The following KIAA1958 variants were observed in gnomAD, a reference collection of about 807,000 sequenced individuals.
The protein encoded by KIAA1958 is uncharacterized protein KIAA1958.
KIAA1958 carries 14 observed loss-of-function variants against 47.2 expected under a neutral mutation model. The observed-to-expected ratio is 0.30, with a 90% CI of 0.20 to 0.46. The LOEUF is 0.46. Among genes scored for constraint, KIAA1958 ranks in the 20% least tolerant of loss-of-function variants. The pLI, the probability that KIAA1958 is intolerant of heterozygous loss-of-function variation, is 1.00. For synonymous variants in KIAA1958, 354 were observed against 353.3 expected (o/e 1.00, Z -0.02); for missense variants, 803 against 909.2 (o/e 0.88, Z 1.50).
intron 1 of KIAA1958, among the ~76,000 whole-genome samples, chr9:112,546,289 A>G (rs1030661413): frequency 6.6e-6 from 1 of 152,218 alleles, no homozygotes; most frequent in Non-Finnish European, 1.5e-5. Context: ...CATCATGGCA[A>G]TGTAGGGAAG....
rs1030576993 is a variant in KIAA1958 at position 112,662,592 on chromosome 9, C to G, written c.*2523C>G. On this transcript the variant is annotated 3_prime_UTR_variant, in exon 4 of 4. Transcript: ENST00000337530. ...GGCAGATCACTTGAGGTCAGGAGTT[C>G]AAGATCAGGACCAACATGGTGAAAC... 6.6e-6 allele frequency: 1 copy of G among 152,250 alleles called. No homozygotes were observed. The highest frequency in any genetic ancestry group is 1.5e-5 in the Non-Finnish European group (1 of 68,090). The allele number at this position is 152,250 out of a possible 1,614,324, so 9.4% of individuals were successfully genotyped here.
Position 112,654,943 on chromosome 9 carries a change from T to C in KIAA1958, c.1345-4320T>C, listed in dbSNP as rs115656144. Among the ~76,000 whole-genome samples, 772 of 152,330 alleles carry C rather than the reference T, an allele frequency of 5.1e-3. 10 individuals carry two copies. The highest frequency in any genetic ancestry group is 0.018 in the African/African-American group (751 of 41,568). On this transcript the variant is annotated intron_variant, in intron 3 of 3. Transcript: ENST00000337530. ...ACATGCATATGGATGTGTGTGTATA[T>C]ATAAATTCTTTTTCTTGTCTTATCT... is the stretch of plus-strand genomic sequence containing the variant.
chr9:112,597,897 T>A (rs1564185958), intron 2 of KIAA1958, among the ~76,000 whole-genome samples: 1 of 152,216 alleles, frequency 6.6e-6, no homozygotes. Context: ...TAACAAATAT[T>A]AACTAATGAG....
intron 1 of KIAA1958, among the ~76,000 whole-genome samples, chr9:112,553,073 C>G (rs1835183184): frequency 6.6e-6 from 1 of 151,600 alleles, no homozygotes; most frequent in Non-Finnish European, 1.5e-5. Flanking sequence ...GCCCTCCCCT[C>G]CACACCCTTT....
At chr9:112,647,130 C>T (rs1836988688) in intron 3 of KIAA1958, among the ~76,000 whole-genome samples, 1 of 151,696 alleles carries the variant, frequency 6.6e-6, no homozygotes, top group Non-Finnish European at 1.5e-5. Flanking sequence ...TGTGAGGGGC[C>T]TTTCTACTGT....
At position 112,664,448 on chromosome 9, in the gene KIAA1958, A is replaced by G. The variant is rs1469405868; in HGVS notation, c.*4379A>G. ...TAGTAGACGTTACCTTTAAGCATCAATGAATGCAAACAGTGAAGACCTCAA... is the reference window on the plus strand; with the variant it reads ...TAGTAGACGTTACCTTTAAGCATCAGTGAATGCAAACAGTGAAGACCTCAA... On this transcript the variant is annotated 3_prime_UTR_variant, in exon 4 of 4. Coordinates refer to ENST00000337530, the MANE Select transcript of KIAA1958 (RefSeq NM_133465.4). The G allele has an allele frequency of 1.3e-5, 2 of 152,234 alleles. No homozygotes were observed. Among genetic ancestry groups the G allele is most frequent in the Non-Finnish European group, 2.9e-5 (2 of 68,034 alleles). 9.4% of individuals were successfully genotyped at this position (152,234 alleles called of 1,614,324 possible).
intron 2 of KIAA1958, among the ~76,000 whole-genome samples, chr9:112,635,083 T>G (rs1483102206): frequency 1.3e-5 from 2 of 152,212 alleles, no homozygotes; most frequent in African/African-American, 4.8e-5. Context: ...TATTTTTATA[T>G]AAAAGTTATG....
At chr9:112,581,333 TTCATCA>T (rs1042926735) in intron 2 of KIAA1958, among the ~76,000 whole-genome samples, 2 of 152,178 alleles carry the variant, frequency 1.3e-5, no homozygotes, top group Non-Finnish European at 2.9e-5. Context: ...TATTTTTATT[TTCATCA>T]TCATCATCAT....
At chr9:112,654,360 A>G (rs935820664) in intron 3 of KIAA1958, among the ~76,000 whole-genome samples, 3 of 152,134 alleles carry the variant, frequency 2.0e-5, no homozygotes, top group Non-Finnish European at 4.4e-5. Flanking sequence ...ACCTTTTGGC[A>G]AGTTGTTTGA....
rs1161145103 is a variant in KIAA1958, at chr9:112,646,971, T to C, written c.1344+1149T>C. ...GAACTGTTAAAGCTGGAAGTATACA[T>C]TGAAAAGTCTTGCAAATAGAGGTCA... On this transcript the variant is annotated intron_variant, in intron 3 of 3. Transcript: ENST00000337530. Among the ~76,000 whole-genome samples the C allele has an allele frequency of 3.3e-5, 5 of 152,188 alleles. No individual in the cohort carries two copies. In the East Asian group the frequency reaches 9.6e-4, roughly 29 times the overall value.
intron 1 of KIAA1958, among the ~76,000 whole-genome samples, chr9:112,571,061 C>T (rs1835525195): frequency 1.3e-5 from 2 of 152,108 alleles, no homozygotes; most frequent in Non-Finnish European, 1.5e-5. Context: ...TGTCTGGGGC[C>T]CCAGCTGATT....
chr9:112,567,851 G>A (rs1397424851), intron 1 of KIAA1958, among the ~76,000 whole-genome samples: 2 of 151,266 alleles, frequency 1.3e-5, no homozygotes, highest in Non-Finnish European at 2.9e-5. Flanking sequence ...CCAGCTACTT[G>A]GGAGGCTGAG....
At chr9:112,629,073 CCTT>C (rs1426243550) in intron 2 of KIAA1958, among the ~76,000 whole-genome samples, 3 of 152,162 alleles carry the variant, frequency 2.0e-5, no homozygotes, top group Admixed American at 1.3e-4. Flanking sequence ...GGTCTTCCAT[CCTT>C]CTTATAAATC....
chr9:112,617,992 A>G (rs1167952012), intron 2 of KIAA1958: 21 of 1,550,406 alleles, frequency 1.4e-5, no homozygotes, highest in Admixed American at 3.9e-5. Context: ...CTGAAACAAG[A>G]GAGATTTATG....
intron 2 of KIAA1958, among the ~76,000 whole-genome samples, chr9:112,579,192 T>C (rs1456581459): frequency 6.6e-6 from 1 of 152,160 alleles, no homozygotes; most frequent in Admixed American, 6.5e-5. Flanking sequence ...TACCATTAGC[T>C]TTTAATTTTG....
chr9:112,602,472 A>G (rs759561903), intron 2 of KIAA1958, among the ~76,000 whole-genome samples: 1 of 152,224 alleles, frequency 6.6e-6, no homozygotes, highest in Non-Finnish European at 1.5e-5. Context: ...AAGTTAGTAC[A>G]GTACCTAATA....
intron 2 of KIAA1958, among the ~76,000 whole-genome samples, chr9:112,635,557 T>G (rs1019171686): frequency 6.6e-6 from 1 of 152,182 alleles, no homozygotes; most frequent in Non-Finnish European, 1.5e-5. Context: ...TGGCCTCCAT[T>G]TCTCTAATGG....
intron 3 of KIAA1958, among the ~76,000 whole-genome samples, chr9:112,651,385 A>C (rs1191238476): frequency 5.0e-5 from 7 of 138,876 alleles, no homozygotes; most frequent in East Asian, 4.0e-4. Flanking sequence ...ATATTTCTCT[A>C]TATATATACA....
intron 2 of KIAA1958, among the ~76,000 whole-genome samples, chr9:112,594,446 G>T (rs1029927298): frequency 1.3e-5 from 2 of 152,112 alleles, no homozygotes; most frequent in African/African-American, 4.8e-5. Flanking sequence ...CTAGTCTATG[G>T]ATTTGCCTAT....
Sources: allele counts gnomAD v4.1 joint callset (sites outside exome capture counted in the v4.1 genomes callset), GRCh38; gene constraint gnomAD v4.1.1; transcripts MANE v1.5; gene names NCBI Gene and HGNC (gene_info 2026-07-23, HGNC 2026-07-21).